RYR2: variants seen among roughly 807,000 people sequenced by gnomAD.
RYR2 encodes the protein cardiac muscle ryanodine receptor-calcium release channel.
A neutral mutation model predicts 601.1 loss-of-function variants in RYR2; 227 were observed. The observed-to-expected ratio is 0.38, with a 90% confidence interval of 0.34 to 0.42. The LOEUF (loss-of-function observed/expected upper bound fraction) is 0.42. Ranked by LOEUF, RYR2 falls within the 10% of genes least tolerant of loss-of-function variation. The pLI is 1.00. For synonymous variants in RYR2, 2,223 were observed against 2,175.1 expected (o/e 1.02, Z -0.61); for missense variants, 4,646 against 6,156.5 (o/e 0.75, Z 8.21).
intron 16 of RYR2, among the ~76,000 whole-genome samples, chr1:237,463,378 A>G (rs1659700774): frequency 6.6e-6 from 1 of 152,174 alleles, no homozygotes; most frequent in Non-Finnish European, 1.5e-5. Context: ...CTTTTAATCT[A>G]AATTTTTCTG....
intron 1 of RYR2, among the ~76,000 whole-genome samples, chr1:237,102,791 G>A (rs931665947): frequency 6.6e-6 from 1 of 152,100 alleles, no homozygotes. Context: ...GGAGGTGGAG[G>A]TTGCAGTGAG....
intron 98 of RYR2, among the ~76,000 whole-genome samples, chr1:237,803,084 T>A (rs1196139000): frequency 6.6e-6 from 1 of 152,216 alleles, no homozygotes; most frequent in Non-Finnish European, 1.5e-5. Context: ...CCTAGTTAAA[T>A]GTAAATTTTA....
intron 30 of RYR2, 50 bp from the exon 31 acceptor site, chr1:237,590,590 A>G: frequency 1.4e-6 from 2 of 1,428,906 alleles, no homozygotes; most frequent in Non-Finnish European, 1.9e-6. Context: ...TAGAATCAGG[A>G]AATTGACAAT....
At chr1:237,708,830 C>CAGA in intron 68 of RYR2, 28 bp from the exon 69 acceptor site, 1 of 1,586,064 alleles carries the variant, frequency 6.3e-7, no homozygotes, top group Non-Finnish European at 8.6e-7. Context: ...TTTTACAGAG[C>CAGA]AGAATACTAA....
chr1:237,795,565 C>A (rs1380308393), intron 96 of RYR2, among the ~76,000 whole-genome samples: 2 of 151,898 alleles, frequency 1.3e-5, no homozygotes, highest in African/African-American at 4.8e-5. Flanking sequence ...ATTCTCCTGC[C>A]TCAGTCTCCC....
chr1:237,656,808 C>T (rs982458380), intron 53 of RYR2, among the ~76,000 whole-genome samples: 1 of 152,120 alleles, frequency 6.6e-6, no homozygotes, highest in Non-Finnish European at 1.5e-5. Flanking sequence ...AGTGGTATGC[C>T]ATTAGTTTGA....
chr1:237,610,928 G>C lies in RYR2; in HGVS notation c.4850G>C (p.Trp1617Ser), dbSNP rs1677785308. ...TCTCGAATAAGTGAACGCCAAGGCT[G>C]GTTGGTGCAGTGTTTGGATCCTCTG... ...DVSRISERQG[W>S]LVQCLDPLQF... Residue 1617 changes from tryptophan (W) to serine (S), a missense_variant, in exon 36 of 105, where the codon TGG becomes TCG. By Grantham distance (177) the Trp-to-Ser change is radical. Around this residue, in one of 17 missense-constraint regions of RYR2, gnomAD observed 1,807 missense variants for 2,088.1 expected, o/e 0.87. Coordinates refer to ENST00000366574, the MANE Select transcript of RYR2 (RefSeq NM_001035.3). This position sits in a 1 kb window ranked among gnomAD's most constrained non-coding sequence, Gnocchi z 4.9. 6.2e-7 allele frequency: 1 copy of C among 1,613,412 alleles called. No homozygotes were observed. The highest frequency in any genetic ancestry group is 1.3e-5 in the African/African-American group (1 of 74,902).
intron 17 of RYR2, among the ~76,000 whole-genome samples, chr1:237,484,000 G>A (rs1185094121): frequency 1.3e-5 from 2 of 151,922 alleles, no homozygotes; most frequent in African/African-American, 4.8e-5. Context: ...CAAACTGTTT[G>A]ACTGGCACTG....
chr1:237,789,900 G>A (rs368603193), intron 92 of RYR2, among the ~76,000 whole-genome samples: 2 of 152,138 alleles, frequency 1.3e-5, no homozygotes, highest in Non-Finnish European at 2.9e-5. Context: ...CACCTTCCAA[G>A]GACAACCAGT....
At position 237,617,280 on chromosome 1, in the gene RYR2, T is replaced by C. The variant is rs1049437068; in HGVS notation, c.5716-6T>C. ...TAAATTTGGTGTCTTTTTAATGGTC[T>C]CTTAGATGTGCCTACTGCTTCAGTA... is the stretch of plus-strand genomic sequence containing the variant. On this transcript the variant is annotated splice_polypyrimidine_tract_variant and splice_region_variant and intron_variant, in intron 37 of 104. Coordinates refer to ENST00000366574, the MANE Select transcript of RYR2 (RefSeq NM_001035.3). The C allele has an allele frequency of 1.2e-6, 2 of 1,607,680 alleles. No individual in the cohort carries two copies. The highest frequency in any genetic ancestry group is 1.7e-6 in the Non-Finnish European group (2 of 1,176,742).
chr1:237,376,506 TG>T (rs113600221), intron 7 of RYR2, among the ~76,000 whole-genome samples: 15,988 of 152,128 alleles, frequency 0.11, 968 homozygotes, highest in African/African-American at 0.16. Context: ...AGGTAAAGAA[TG>T]GTAAATGATG....
intron 1 of RYR2, among the ~76,000 whole-genome samples, chr1:237,049,214 C>G (rs748434411): frequency 4.9e-4 from 74 of 152,120 alleles, no homozygotes; most frequent in Non-Finnish European, 8.8e-4. Flanking sequence ...TTAATTGAGT[C>G]TGAGTGATTA....
chr1:237,670,677 C>T (rs978748801), intron 58 of RYR2, among the ~76,000 whole-genome samples: 1 of 152,052 alleles, frequency 6.6e-6, no homozygotes, highest in Non-Finnish European at 1.5e-5. Flanking sequence ...AAATAATAAG[C>T]AGCTATCTTA....
At chr1:237,763,326 T>C (rs1573852512) in intron 84 of RYR2, among the ~76,000 whole-genome samples, 1 of 152,322 alleles carries the variant, frequency 6.6e-6, no homozygotes, top group Admixed American at 6.5e-5. Context: ...TTTATGGCTG[T>C]ACTGATTGGT....
intron 1 of RYR2, 145 bp from the exon 2 acceptor site, chr1:237,270,352 C>T: frequency 1.7e-6 from 2 of 1,188,476 alleles, no homozygotes; most frequent in Non-Finnish European, 2.4e-6. Flanking sequence ...GTAGGGGTTT[C>T]TTTTGGTTGT....
At chr1:237,649,475 A>G (rs1682505180) in intron 49 of RYR2, among the ~76,000 whole-genome samples, 1 of 152,200 alleles carries the variant, frequency 6.6e-6, no homozygotes, top group Non-Finnish European at 1.5e-5. Flanking sequence ...TATGAATAAT[A>G]AAGAGAATTC....
rs575468113 is a variant in RYR2 at position 237,816,295 on chromosome 1, A to G, written c.14434-2741A>G. 5.3e-5 allele frequency among the ~76,000 whole-genome samples: 8 copies of G among 152,362 alleles called. No homozygotes were observed. In the South Asian group the frequency reaches 1.4e-3, roughly 28 times the overall value. ...GTCAGAGAAACGTGGGCAATGGGAA[A>G]GATGGTCTAACTAAAGAGGAAAGAA... On this transcript the variant is annotated intron_variant, in intron 100 of 104. Coordinates refer to ENST00000366574, the MANE Select transcript of RYR2 (RefSeq NM_001035.3).
At chr1:237,569,403 G>A (rs1672430253) in intron 29 of RYR2, 84 bp downstream of exon 29, 1 of 1,359,892 alleles carries the variant, frequency 7.4e-7, no homozygotes, top group Admixed American at 2.0e-5. Flanking sequence ...GGGCGTTTCT[G>A]TTTCAGGGTG....
chr1:237,639,750 C>T lies in RYR2; in HGVS notation c.7115+549C>T, dbSNP rs117521315. 3.9e-3 allele frequency among the ~76,000 whole-genome samples: 598 copies of T among 152,154 alleles called. 1 individual carries two copies. Among genetic ancestry groups the T allele is most frequent in the East Asian group, 0.022 (114 of 5,180 alleles). The stretch of plus-strand genomic sequence containing the variant: ...GTTGTTAATACTAGAGTCCAGTCAT[C>T]GACATAAGTAAATCCAGGTGTGATG... On this transcript the variant is annotated intron_variant, in intron 46 of 104. Coordinates refer to ENST00000366574, the MANE Select transcript of RYR2 (RefSeq NM_001035.3).
Sources: allele counts gnomAD v4.1 joint callset (sites outside exome capture counted in the v4.1 genomes callset), GRCh38; gene constraint gnomAD v4.1.1; regional missense constraint gnomAD v4.1.1; non-coding constraint Gnocchi (gnomAD v3.1); transcripts MANE v1.5; gene names NCBI Gene and HGNC (gene_info 2026-07-23, HGNC 2026-07-21).